ZRANB3: variants seen among roughly 807,000 people sequenced by gnomAD.
ZRANB3 encodes the protein zinc finger RANBP2-type containing 3.
A neutral mutation model predicts 133.8 loss-of-function variants in ZRANB3; 125 were observed. The ratio of observed to expected loss-of-function variants is 0.93; its 90% CI spans 0.81 to 1.08. The LOEUF is 1.08. ZRANB3 is among the 50% of genes least tolerant of loss of function. The pLI is 0.00. For missense variants in ZRANB3, 1,229 were observed against 1,275.5 expected (o/e 0.96, Z 0.56); for synonymous variants, 387 against 432.7 (o/e 0.89, Z 1.31).
chr2:135,324,936 T>A (rs1683737648), intron 6 of ZRANB3, among the ~76,000 whole-genome samples: 1 of 152,208 alleles, frequency 6.6e-6, no homozygotes, highest in Non-Finnish European at 1.5e-5. Flanking sequence ...TGTTTTTTTC[T>A]TGTAAATTTG....
chr2:135,200,260 A>G lies in ZRANB3; in HGVS notation c.*82T>C. On this transcript the variant is annotated 3_prime_UTR_variant, in exon 21 of 21. Coordinates refer to ENST00000264159, the MANE Select transcript of ZRANB3 (RefSeq NM_032143.4). ...TGTTCTGAAAATTTTTACTCTCGAT[A>G]TATTAAACAAACATGGAAAACTTCT... is the stretch of plus-strand genomic sequence containing the variant. 4 of 1,159,624 alleles carry G rather than the reference A, an allele frequency of 3.4e-6. No individual in the cohort carries two copies. Among genetic ancestry groups the G allele is most frequent in the Admixed American group, 2.2e-5 (1 of 44,454 alleles). The allele number at this position is 1,159,624 out of a possible 1,614,324, so 71.8% of individuals were successfully genotyped here. A position where few individuals can be genotyped will look rare whatever the true frequency, so the allele number is the denominator to read the frequency against.
At chr2:135,262,832 T>C (rs1224108116) in intron 12 of ZRANB3, among the ~76,000 whole-genome samples, 2 of 151,726 alleles carry the variant, frequency 1.3e-5, no homozygotes, top group African/African-American at 4.8e-5. Context: ...GCAGACATTA[T>C]AAATTACAAA....
chr2:135,376,831 G>A (rs1277810147), intron 3 of ZRANB3, among the ~76,000 whole-genome samples: 1 of 152,098 alleles, frequency 6.6e-6, no homozygotes, highest in East Asian at 1.9e-4. Context: ...CTGAATGTAC[G>A]CAAATATTTT....
intron 2 of ZRANB3, among the ~76,000 whole-genome samples, chr2:135,423,291 G>A (rs1184490457): frequency 2.6e-5 from 4 of 152,070 alleles, no homozygotes; most frequent in South Asian, 2.1e-4. Flanking sequence ...AAAATTAGCC[G>A]GATGTGCTGG....
chr2:135,203,607 G>A (rs567399602), intron 19 of ZRANB3, among the ~76,000 whole-genome samples: 69 of 134,190 alleles, frequency 5.1e-4, no homozygotes, highest in African/African-American at 2.0e-3. Context: ...TGACAGACTC[G>A]GTCTCAAAAA....
At chr2:135,381,077 G>A (rs560618331) in intron 3 of ZRANB3, among the ~76,000 whole-genome samples, 1 of 152,272 alleles carries the variant, frequency 6.6e-6, no homozygotes, top group Admixed American at 6.5e-5. Context: ...GAAGCGTAAG[G>A]GATCAGGGAA....
intron 10 of ZRANB3, among the ~76,000 whole-genome samples, chr2:135,270,394 T>C (rs1006547809): frequency 6.6e-6 from 1 of 152,174 alleles, no homozygotes; most frequent in African/African-American, 2.4e-5. Flanking sequence ...TTTATTCCTA[T>C]GGAGATATCA....
intron 2 of ZRANB3, among the ~76,000 whole-genome samples, chr2:135,445,463 G>C (rs1464656030): frequency 6.6e-6 from 1 of 151,876 alleles, no homozygotes; most frequent in Admixed American, 6.6e-5. Context: ...TAAATAAAGG[G>C]GAAAATAGTG....
At chr2:135,393,036 A>AT (rs1289142113) in intron 2 of ZRANB3, among the ~76,000 whole-genome samples, 7 of 151,452 alleles carry the variant, frequency 4.6e-5, no homozygotes, top group African/African-American at 1.2e-4. Context: ...ACACCCAGCT[A>AT]TTTTTTTTAT....
In ZRANB3 at chr2:135,207,851, A is replaced by G; in HGVS notation, c.2607-15T>C. 1 of 1,581,194 alleles carries G rather than the reference A, an allele frequency of 6.3e-7. No homozygotes were observed. The highest frequency in any genetic ancestry group is 8.6e-7 in the Non-Finnish European group (1 of 1,159,540). The stretch of plus-strand genomic sequence containing the variant: ...CAAGAAGTTTTCTACAATTGATAAA[A>G]ACACTGAATAGGTAACTAATGAATG... On this transcript the variant is annotated splice_polypyrimidine_tract_variant and intron_variant, in intron 18 of 20. Transcript: ENST00000264159.
At chr2:135,279,240 C>T (rs1480590969) in intron 8 of ZRANB3, among the ~76,000 whole-genome samples, 1 of 152,092 alleles carries the variant, frequency 6.6e-6, no homozygotes, top group Non-Finnish European at 1.5e-5. Context: ...CTGAAAAATA[C>T]CTACTTAAAA....
At chr2:135,265,788 G>C in intron 11 of ZRANB3, 102 bp from the exon 12 acceptor site, 1 of 1,249,022 alleles carries the variant, frequency 8.0e-7, no homozygotes, top group East Asian at 2.5e-5. Context: ...TACCCACTAA[G>C]AAAATCTTAC....
chr2:135,204,577 G>A (rs1171149369), intron 19 of ZRANB3, among the ~76,000 whole-genome samples: 1 of 149,352 alleles, frequency 6.7e-6, no homozygotes, highest in Non-Finnish European at 1.5e-5. Flanking sequence ...AGGATCACTT[G>A]GCCCAGGAGC....
intron 12 of ZRANB3, among the ~76,000 whole-genome samples, chr2:135,234,706 T>C (rs778217117): frequency 2.1e-4 from 32 of 152,248 alleles, no homozygotes; most frequent in Non-Finnish European, 2.5e-4. Flanking sequence ...CATAATGAAA[T>C]GAACGCAGAA....
intron 12 of ZRANB3, among the ~76,000 whole-genome samples, chr2:135,233,025 AAAG>A (rs538382822): frequency 6.2e-4 from 94 of 152,330 alleles, no homozygotes; most frequent in African/African-American, 2.2e-3. Flanking sequence ...AGCCAATGGC[AAAG>A]AAGTTAAAAA....
chr2:135,300,170 T>A (rs1682360530), intron 8 of ZRANB3, among the ~76,000 whole-genome samples: 1 of 152,202 alleles, frequency 6.6e-6, no homozygotes. Context: ...CTGCATACAT[T>A]TATGTATTTA....
At position 135,282,264 on chromosome 2, in the gene ZRANB3, C is replaced by T. The variant is rs80266810; in HGVS notation, c.967-6509G>A. On this transcript the variant is annotated intron_variant, in intron 8 of 20. Transcript: ENST00000264159. The stretch of plus-strand genomic sequence containing the variant: ...AAGGAGAATATGCATTGTTTATTTA[C>T]TCCCCACCTAGCTTCTGCAGCTCAC... 6.4e-3 allele frequency among the ~76,000 whole-genome samples: 972 copies of T among 152,278 alleles called. 5 individuals are homozygous for T. Among genetic ancestry groups the T allele is most frequent in the Middle Eastern group, 0.041 (12 of 294 alleles).
intron 6 of ZRANB3, among the ~76,000 whole-genome samples, chr2:135,324,598 G>C (rs1182108294): frequency 1.3e-5 from 2 of 152,168 alleles, no homozygotes; most frequent in African/African-American, 4.8e-5. Flanking sequence ...TATATACCCA[G>C]TAATGGGATG....
intron 17 of ZRANB3, among the ~76,000 whole-genome samples, chr2:135,210,472 C>T (rs922124142): frequency 3.3e-5 from 5 of 152,048 alleles, no homozygotes; most frequent in South Asian, 2.1e-4. Context: ...GCTGGGATTA[C>T]GAGCACGCAC....
Sources: gnomAD v4.1 joint callset for allele counts (sites outside exome capture counted in the v4.1 genomes callset) on GRCh38, gnomAD v4.1.1 for gene constraint, MANE v1.5 for transcripts, NCBI Gene and HGNC (gene_info 2026-07-23, HGNC 2026-07-21) for gene names.